WDR59: variants seen among roughly 807,000 people sequenced by gnomAD.
WDR59 encodes WD repeat domain 59, also known as GATOR2 complex protein WDR59.
In WDR59, 100 loss-of-function variants were observed where a neutral mutation model predicts 131.2. That is an observed-to-expected ratio of 0.76 (90% CI 0.65 to 0.90). The LOEUF is 0.90. Ranked by LOEUF, WDR59 falls within the 40% of genes least tolerant of loss-of-function variation. The probability of loss-of-function intolerance (pLI) is 0.00; values close to 1 mark genes in which losing one functional copy is unlikely to be tolerated. For synonymous variants in WDR59, 601 were observed against 466.2 expected (o/e 1.29, Z -3.72); for missense variants, 1,203 against 1,262.2 (o/e 0.95, Z 0.71).
intron 21 of WDR59, among the ~76,000 whole-genome samples, chr16:74,889,380 C>G (rs1964930908): frequency 6.6e-6 from 1 of 152,160 alleles, no homozygotes; most frequent in Non-Finnish European, 1.5e-5. Flanking sequence ...CTAGAGCTTT[C>G]AAGAAGAAAC....
chr16:74,960,288 G>A (rs955992830), intron 2 of WDR59, among the ~76,000 whole-genome samples: 18 of 150,816 alleles, frequency 1.2e-4, no homozygotes, highest in African/African-American at 3.4e-4. Flanking sequence ...CCGACATCGC[G>A]CCACTGCACT....
intron 2 of WDR59, among the ~76,000 whole-genome samples, chr16:74,957,875 A>G (rs1437216202): frequency 1.3e-5 from 2 of 152,198 alleles, no homozygotes; most frequent in Admixed American, 1.3e-4. Flanking sequence ...CAGAACTCTG[A>G]GGAGAGAAGA....
chr16:74,878,874 G>A (rs1181989884), intron 25 of WDR59, among the ~76,000 whole-genome samples: 6 of 152,192 alleles, frequency 3.9e-5, no homozygotes, highest in African/African-American at 7.2e-5. Context: ...GAGCCATTTC[G>A]CTTTATTGCC....
rs556979196 is a variant in WDR59, at chr16:74,916,312, T to C, written c.967-53A>G. 114 of 1,609,018 alleles carry C rather than the reference T, an allele frequency of 7.1e-5. No individual in the cohort carries two copies. In the African/African-American group the frequency reaches 1.4e-3, roughly 20 times the overall value. ...CTAGAGAAGTCCGTGGAAATGATTG[T>C]CATGTCTGATTAAAGAGTTCTGACT... On this transcript the variant is annotated intron_variant, in intron 11 of 25. Coordinates refer to ENST00000262144, the MANE Select transcript of WDR59 (RefSeq NM_030581.4).
At chr16:74,903,863 T>G in intron 18 of WDR59, 84 bp downstream of exon 18, 2 of 1,476,084 alleles carry the variant, frequency 1.4e-6, no homozygotes, top group Non-Finnish European at 1.8e-6. Flanking sequence ...TGATTACTAA[T>G]CTAGCTGCTG....
At chr16:74,935,675 A>G (rs2031740208) in intron 8 of WDR59, among the ~76,000 whole-genome samples, 1 of 152,180 alleles carries the variant, frequency 6.6e-6, no homozygotes, top group Admixed American at 6.5e-5. Context: ...AATGTTATGC[A>G]AAGTCCCTTT....
At chr16:74,952,267 C>T (rs893424871) in intron 3 of WDR59, among the ~76,000 whole-genome samples, 10 of 151,278 alleles carry the variant, frequency 6.6e-5, no homozygotes, top group African/African-American at 2.4e-4. Context: ...ATAGCCAGAT[C>T]GCATCTCTAC....
At chr16:74,966,026 A>G (rs1156340367) in intron 1 of WDR59, among the ~76,000 whole-genome samples, 1 of 152,094 alleles carries the variant, frequency 6.6e-6, no homozygotes, top group East Asian at 1.9e-4. Flanking sequence ...TTTTGTAGAG[A>G]CAGGGTCTTG....
chr16:74,911,568 A>C (rs1419863088), intron 14 of WDR59, among the ~76,000 whole-genome samples: 1 of 152,180 alleles, frequency 6.6e-6, no homozygotes, highest in Admixed American at 6.5e-5. Context: ...TGATGCATTA[A>C]ATCTCTGAAT....
chr16:74,942,388 G>A (rs144355903), intron 7 of WDR59, among the ~76,000 whole-genome samples: 9 of 152,174 alleles, frequency 5.9e-5, no homozygotes, highest in East Asian at 3.9e-4. Flanking sequence ...CTAGAATAGC[G>A]CCTGGGCTCC....
At chr16:74,984,724 C>T in intron 1 of WDR59, 1 of 570,196 alleles carries the variant, frequency 1.8e-6, no homozygotes. Flanking sequence ...TGTCACAAGG[C>T]GGACCCCACT....
intron 18 of WDR59, among the ~76,000 whole-genome samples, chr16:74,903,358 G>T (rs773564812): frequency 9.2e-5 from 14 of 151,966 alleles, no homozygotes; most frequent in Non-Finnish European, 1.9e-4. Flanking sequence ...TGGCACCAAG[G>T]GTTTCTGACA....
At chr16:74,875,946 T>G (rs9923117) in intron 25 of WDR59, among the ~76,000 whole-genome samples, 2,672 of 152,222 alleles carry the variant, frequency 0.018, 60 homozygotes, top group African/African-American at 0.058. Context: ...CCCGAGATGG[T>G]GACTTCGGGC....
Position 74,884,776 on chromosome 16 carries a change from T to G in WDR59, c.2689+877A>C, listed in dbSNP as rs112782182. Among the ~76,000 whole-genome samples the G allele has an allele frequency of 3.3e-4, 51 of 152,324 alleles. 1 individual carries two copies. Among genetic ancestry groups the G allele is most frequent in the African/African-American group, 1.2e-3 (48 of 41,584 alleles). The stretch of plus-strand genomic sequence containing the variant: ...ACACCACGCCACCTTCCTTCGCTTG[T>G]TCACAACGACAGTCATTTCCCTGGG... On this transcript the variant is annotated intron_variant, in intron 25 of 25. Transcript: ENST00000262144.
chr16:74,900,953 G>A (rs1432671963), intron 18 of WDR59, among the ~76,000 whole-genome samples: 1 of 152,196 alleles, frequency 6.6e-6, no homozygotes, highest in Non-Finnish European at 1.5e-5. Flanking sequence ...ACCATGATTA[G>A]CCGGGCATGG....
At chr16:74,984,883 C>G (rs1301130006) in intron 1 of WDR59, 81 bp downstream of exon 1, 26 of 1,557,726 alleles carry the variant, frequency 1.7e-5, no homozygotes, top group Non-Finnish European at 2.3e-5. Flanking sequence ...CCCGTAGCCC[C>G]CCGGGACGGA....
rs533391855 is a variant in WDR59 at position 74,945,056 on chromosome 16, G to A, written c.446-2230C>T. On this transcript the variant is annotated intron_variant, in intron 6 of 25. Transcript: ENST00000262144. ...GGAGAATCGCTTGAACCCAGGAGGC[G>A]GAGGTTGCGGTGAGCCAAGATCGTG... 1.1e-3 allele frequency among the ~76,000 whole-genome samples: 166 copies of A among 148,762 alleles called. 1 individual carries two copies. The highest frequency in any genetic ancestry group is 6.1e-4 in the East Asian group (3 of 4,890).
At chr16:74,948,644 T>C (rs1183250149) in intron 5 of WDR59, 88 bp from the exon 6 acceptor site, 2 of 1,153,312 alleles carry the variant, frequency 1.7e-6, no homozygotes, top group African/African-American at 3.0e-5. Context: ...AATTCTTCGC[T>C]TTCCTTTCAG....
At chr16:74,942,882 G>GC in intron 6 of WDR59, 56 bp from the exon 7 acceptor site, 18 of 1,507,594 alleles carry the variant, frequency 1.2e-5, no homozygotes, top group Non-Finnish European at 1.6e-5. Flanking sequence ...CGGAAGCAGA[G>GC]CAGAGCACAG....
Sources: gnomAD v4.1 joint callset for allele counts (sites outside exome capture counted in the v4.1 genomes callset) on GRCh38, gnomAD v4.1.1 for gene constraint, MANE v1.5 for transcripts, NCBI Gene and HGNC (gene_info 2026-07-23, HGNC 2026-07-21) for gene names.